The following CHST8 variants were observed in gnomAD, a reference collection of about 807,000 sequenced individuals.
CHST8 encodes carbohydrate sulfotransferase 8, also known as GALNAC-4-ST1.
CHST8 carries 10 observed loss-of-function variants against 15.0 expected under a neutral mutation model. That is an observed-to-expected ratio of 0.67 (90% CI 0.41 to 1.13). The LOEUF (loss-of-function observed/expected upper bound fraction) is 1.13, where lower values mean the gene tolerates loss of function less well. Among genes scored for constraint, CHST8 ranks in the 50% most tolerant of loss-of-function variants. The pLI is 0.00. For synonymous variants in CHST8, 259 were observed against 256.6 expected, an observed-to-expected ratio of 1.01 and a Z score of -0.09; for missense variants, 634 against 608.2, an observed-to-expected ratio of 1.04 and a Z score of -0.45.
intron 3 of CHST8, among the ~76,000 whole-genome samples, chr19:33,744,897 T>C (rs1297775963): frequency 2.0e-5 from 3 of 152,072 alleles, no homozygotes; most frequent in Non-Finnish European, 2.9e-5. Context: ...TACAGGTGCC[T>C]GCCACCACAC....
At chr19:33,674,432 C>G (rs531986039) in intron 2 of CHST8, among the ~76,000 whole-genome samples, 1 of 152,182 alleles carries the variant, frequency 6.6e-6, no homozygotes, top group Non-Finnish European at 1.5e-5. Context: ...ATTACGGCTC[C>G]CATGCCTGGC....
intron 3 of CHST8, among the ~76,000 whole-genome samples, chr19:33,756,745 T>C (rs1974555051): frequency 1.3e-5 from 2 of 152,308 alleles, no homozygotes; most frequent in Non-Finnish European, 2.9e-5. Context: ...CCTGAATTTG[T>C]TTTCCCACTT....
intron 3 of CHST8, among the ~76,000 whole-genome samples, chr19:33,713,490 G>A (rs550073024): frequency 4.3e-4 from 65 of 152,236 alleles, no homozygotes; most frequent in Admixed American, 2.4e-3. Context: ...TCTCCTGGGA[G>A]CATATAGCTC....
chr19:33,710,872 G>GGTTTTTTT (rs397802097), intron 3 of CHST8, among the ~76,000 whole-genome samples: 210 of 138,648 alleles, frequency 1.5e-3, no homozygotes, highest in African/African-American at 5.0e-3. Flanking sequence ...AATTTCTGGA[G>GGTTTTTTT]TTTTTTTTTT....
chr19:33,623,789 A>G (rs911735584), intron 1 of CHST8, among the ~76,000 whole-genome samples: 9 of 152,130 alleles, frequency 5.9e-5, no homozygotes, highest in Admixed American at 5.9e-4. Flanking sequence ...AAGGACACTC[A>G]TCCCAGCAGG....
chr19:33,764,824 T>A (rs1232510963), intron 3 of CHST8, among the ~76,000 whole-genome samples: 1 of 151,984 alleles, frequency 6.6e-6, no homozygotes, highest in African/African-American at 2.4e-5. Flanking sequence ...CAATTTGTAG[T>A]TTTTTATCCT....
At chr19:33,765,554 T>TGA (rs1568362712) in intron 3 of CHST8, among the ~76,000 whole-genome samples, 3 of 102,794 alleles carry the variant, frequency 2.9e-5, no homozygotes, top group Non-Finnish European at 6.2e-5. Flanking sequence ...TGTGTGTGTG[T>TGA]CAGAGAGAGA....
intron 2 of CHST8, among the ~76,000 whole-genome samples, chr19:33,684,274 G>A (rs1443609092): frequency 6.6e-6 from 1 of 152,214 alleles, no homozygotes; most frequent in African/African-American, 2.4e-5. Context: ...GGGGGGAGTG[G>A]AGAGAACCCT....
At chr19:33,648,476 A>G (rs563542178) in intron 1 of CHST8, among the ~76,000 whole-genome samples, 5 of 152,296 alleles carry the variant, frequency 3.3e-5, no homozygotes, top group Non-Finnish European at 7.4e-5. Context: ...TGTCAATTGA[A>G]TCCTACAATG....
intron 3 of CHST8, among the ~76,000 whole-genome samples, chr19:33,737,716 G>A (rs867590300): frequency 2.0e-5 from 3 of 152,088 alleles, no homozygotes; most frequent in Non-Finnish European, 2.9e-5. Context: ...CTCCTAGGAT[G>A]GGCATCCTGG....
chr19:33,764,641 T>C (rs1275632577), intron 3 of CHST8, among the ~76,000 whole-genome samples: 2 of 152,172 alleles, frequency 1.3e-5, no homozygotes, highest in African/African-American at 4.8e-5. Flanking sequence ...TGTGACCTTG[T>C]AGGGTCTTTG....
In CHST8 at chr19:33,700,154, G is replaced by A. The variant is rs944246941; in HGVS notation, c.130+10763G>A. Among the ~76,000 whole-genome samples the A allele has an allele frequency of 3.3e-4, 50 of 152,258 alleles. 1 individual carries two copies. The highest frequency in any genetic ancestry group is 1.2e-3 in the African/African-American group (49 of 41,552). On this transcript the variant is annotated intron_variant, in intron 3 of 4. Transcript: ENST00000650847. ...TTCCATGGAGCCGGCTGCTTTCCCC[G>A]GGCAGGTGGGTTTTATTGGAACCCT...
intron 3 of CHST8, among the ~76,000 whole-genome samples, chr19:33,717,757 C>T (rs1973688491): frequency 6.6e-6 from 1 of 151,984 alleles, no homozygotes; most frequent in South Asian, 2.1e-4. Context: ...CATGTTGGGC[C>T]CAGTTGGTCT....
intron 2 of CHST8, among the ~76,000 whole-genome samples, chr19:33,682,104 C>G (rs777064138): frequency 1.2e-4 from 18 of 151,682 alleles, no homozygotes; most frequent in Non-Finnish European, 2.5e-4. Context: ...ATCCACCCGC[C>G]TTGGCCTCCC....
intron 3 of CHST8, among the ~76,000 whole-genome samples, chr19:33,766,106 T>C (rs778962616): frequency 4.6e-5 from 7 of 151,874 alleles, no homozygotes; most frequent in African/African-American, 7.3e-5. Context: ...CATGAGCCAG[T>C]TTCTTAAAAT....
intron 2 of CHST8, among the ~76,000 whole-genome samples, chr19:33,674,840 G>A (rs1270822022): frequency 1.3e-5 from 2 of 152,228 alleles, no homozygotes; most frequent in African/African-American, 4.8e-5. Context: ...CTGAGCTGGG[G>A]TGAAGGTTGC....
At chr19:33,701,928 C>G (rs1471463963) in intron 3 of CHST8, among the ~76,000 whole-genome samples, 8 of 152,206 alleles carry the variant, frequency 5.3e-5, no homozygotes, top group Non-Finnish European at 8.8e-5. Flanking sequence ...TGTGCTCCCC[C>G]TTCTCTGTCC....
chr19:33,748,936 G>T (rs961999851), intron 3 of CHST8, among the ~76,000 whole-genome samples: 1 of 152,160 alleles, frequency 6.6e-6, no homozygotes, highest in Non-Finnish European at 1.5e-5. Flanking sequence ...TCGGAGGAGA[G>T]CCTCAAGGAG....
At chr19:33,747,852 C>G (rs938224543) in intron 3 of CHST8, among the ~76,000 whole-genome samples, 1 of 152,082 alleles carries the variant, frequency 6.6e-6, no homozygotes, top group Admixed American at 6.5e-5. Flanking sequence ...TTAACTGACA[C>G]ACAAGGGGGG....
Sources: allele counts gnomAD v4.1 joint callset (sites outside exome capture counted in the v4.1 genomes callset), GRCh38; gene constraint gnomAD v4.1.1; transcripts MANE v1.5; gene names NCBI Gene and HGNC (gene_info 2026-07-23, HGNC 2026-07-21).